GRIK2: variants seen among roughly 807,000 people sequenced by gnomAD.
The protein encoded by GRIK2 is glutamate receptor ionotropic, kainate 2.
GRIK2 carries 32 observed loss-of-function variants against 100.3 expected under a neutral mutation model. That is an observed-to-expected ratio of 0.32 (90% CI 0.24 to 0.43). The LOEUF (loss-of-function observed/expected upper bound fraction) is 0.43. GRIK2 is among the 20% of genes least tolerant of loss of function. GRIK2 has a pLI of 1.00. For missense variants in GRIK2, 843 were observed against 1,114.9 expected (o/e 0.76, Z 3.47); for synonymous variants, 417 against 389.4 (o/e 1.07, Z -0.83).
chr6:101,465,987 A>T (rs1166945160), intron 2 of GRIK2, among the ~76,000 whole-genome samples: 1 of 152,182 alleles, frequency 6.6e-6, no homozygotes, highest in Non-Finnish European at 1.5e-5. Context: ...AAAAACAAGA[A>T]CAAGAACAAC....
In GRIK2 at chr6:101,918,507, G is replaced by A. The variant is rs183693047; in HGVS notation, c.1749-6094G>A. ...TTCTAAATTATTTCTTTGCTCTAAA[G>A]GTCTAGAGTAAGAAATCTTTAAACA... is the stretch of plus-strand genomic sequence containing the variant. On this transcript the variant is annotated intron_variant, in intron 12 of 16. Transcript: ENST00000369134. 3.2e-3 allele frequency among the ~76,000 whole-genome samples: 480 copies of A among 151,604 alleles called. 2 individuals carry two copies. Among genetic ancestry groups the A allele is most frequent in the African/African-American group, 0.011 (455 of 41,452 alleles).
chr6:101,417,605 T>G (rs1776214339), intron 2 of GRIK2, among the ~76,000 whole-genome samples: 1 of 152,216 alleles, frequency 6.6e-6, no homozygotes, highest in Admixed American at 6.5e-5. Flanking sequence ...ATCCTAAATC[T>G]TAATCACTCC....
At chr6:102,016,942 A>G (rs1169271682) in intron 14 of GRIK2, among the ~76,000 whole-genome samples, 2 of 152,186 alleles carry the variant, frequency 1.3e-5, no homozygotes, top group African/African-American at 4.8e-5. Flanking sequence ...CAGAAACTCT[A>G]TGAGCCAGAA....
chr6:101,855,032 T>C (rs1258138945), intron 10 of GRIK2, among the ~76,000 whole-genome samples: 2 of 152,130 alleles, frequency 1.3e-5, no homozygotes, highest in Non-Finnish European at 2.9e-5. Flanking sequence ...TTGAAGAGCA[T>C]TATAGACAGA....
intron 2 of GRIK2, among the ~76,000 whole-genome samples, chr6:101,604,912 T>G (rs1045567511): frequency 6.6e-6 from 1 of 151,818 alleles, no homozygotes; most frequent in Non-Finnish European, 1.5e-5. Flanking sequence ...TTAAAATAGG[T>G]GTAGAAATTT....
At chr6:101,741,797 C>T (rs1276606484) in intron 7 of GRIK2, among the ~76,000 whole-genome samples, 2 of 152,118 alleles carry the variant, frequency 1.3e-5, no homozygotes, top group African/African-American at 4.8e-5. Context: ...TATGCTAAAC[C>T]GTGATCTCTT....
At chr6:102,051,753 T>G (rs1771209497) in intron 15 of GRIK2, among the ~76,000 whole-genome samples, 1 of 152,182 alleles carries the variant, frequency 6.6e-6, no homozygotes, top group Non-Finnish European at 1.5e-5. Flanking sequence ...TTTATGGTTG[T>G]CTGTCCTCCT....
intron 4 of GRIK2, among the ~76,000 whole-genome samples, chr6:101,656,317 G>C (rs372285185): frequency 2.8e-5 from 4 of 144,030 alleles, no homozygotes; most frequent in Admixed American, 6.9e-5. Flanking sequence ...AAAAAAAAAA[G>C]AAAAAAGAAA....
At chr6:101,886,000 C>T (rs1055905470) in intron 11 of GRIK2, among the ~76,000 whole-genome samples, 1 of 152,074 alleles carries the variant, frequency 6.6e-6, no homozygotes, top group African/African-American at 2.4e-5. Context: ...TAATGTGTAT[C>T]CACCATTATA....
intron 2 of GRIK2, among the ~76,000 whole-genome samples, chr6:101,459,263 TGA>T (rs2128251862): frequency 6.6e-6 from 1 of 152,320 alleles, no homozygotes; most frequent in Non-Finnish European, 1.5e-5. Flanking sequence ...TAAATTGAAT[TGA>T]ACCTTTGAAT....
intron 9 of GRIK2, among the ~76,000 whole-genome samples, chr6:101,812,789 C>T (rs1008984339): frequency 6.6e-6 from 1 of 151,748 alleles, no homozygotes; most frequent in Admixed American, 6.6e-5. Context: ...ATTGTTTTAC[C>T]TATATTTTGA....
chr6:101,727,419 G>T (rs1774948449), intron 7 of GRIK2, among the ~76,000 whole-genome samples: 1 of 151,958 alleles, frequency 6.6e-6, no homozygotes, highest in Non-Finnish European at 1.5e-5. Flanking sequence ...ATTATTGGAG[G>T]GCATAGAAAC....
At chr6:101,945,176 T>C (rs1219332162) in intron 14 of GRIK2, among the ~76,000 whole-genome samples, 1 of 152,160 alleles carries the variant, frequency 6.6e-6, no homozygotes, top group African/African-American at 2.4e-5. Flanking sequence ...AACTGATTTT[T>C]TTTTAGCTTT....
intron 15 of GRIK2, among the ~76,000 whole-genome samples, chr6:102,043,119 ATATT>A (rs1770682422): frequency 6.6e-6 from 1 of 151,784 alleles, no homozygotes; most frequent in East Asian, 1.9e-4. Context: ...TATTCTATAA[ATATT>A]CCTTCAATTA....
chr6:101,758,499 T>G (rs1194664762), intron 7 of GRIK2, among the ~76,000 whole-genome samples: 2 of 152,216 alleles, frequency 1.3e-5, no homozygotes, highest in Non-Finnish European at 2.9e-5. Context: ...CATTGCTCCC[T>G]GTTGGAAGAT....
intron 7 of GRIK2, among the ~76,000 whole-genome samples, chr6:101,798,198 C>A (rs1430058998): frequency 6.6e-6 from 1 of 151,978 alleles, no homozygotes; most frequent in Non-Finnish European, 1.5e-5. Flanking sequence ...CAAAATTACC[C>A]TTTCTGTTGA....
intron 7 of GRIK2, among the ~76,000 whole-genome samples, chr6:101,709,740 A>T (rs1156975276): frequency 6.6e-6 from 1 of 151,712 alleles, no homozygotes; most frequent in East Asian, 2.0e-4. Flanking sequence ...CGGGGTAGGT[A>T]TTTAAGTTTA....
At chr6:101,763,823 G>A (rs935221396) in intron 7 of GRIK2, among the ~76,000 whole-genome samples, 1 of 151,204 alleles carries the variant, frequency 6.6e-6, no homozygotes, top group Non-Finnish European at 1.5e-5. Flanking sequence ...AAGAGGCCAT[G>A]CGTTTTTTTG....
intron 14 of GRIK2, among the ~76,000 whole-genome samples, chr6:101,997,319 ATCTT>A (rs1226560075): frequency 1.3e-5 from 2 of 152,078 alleles, no homozygotes; most frequent in African/African-American, 4.8e-5. Context: ...TGCCCCCACT[ATCTT>A]TACGTAATGA....
Sources: allele counts gnomAD v4.1 joint callset (sites outside exome capture counted in the v4.1 genomes callset), GRCh38; gene constraint gnomAD v4.1.1; transcripts MANE v1.5; gene names NCBI Gene and HGNC (gene_info 2026-07-23, HGNC 2026-07-21).